The following PACRG variants were observed in gnomAD, a reference collection of about 807,000 sequenced individuals.
PACRG encodes the protein parkin coregulated.
PACRG carries 29 observed loss-of-function variants against 29.7 expected under a neutral mutation model. The ratio of observed to expected loss-of-function variants is 0.98; its 90% confidence interval spans 0.73 to 1.33. The LOEUF (loss-of-function observed/expected upper bound fraction) is 1.33. Among genes scored for constraint, PACRG ranks in the 40% most tolerant of loss-of-function variants. The pLI, the probability that PACRG is intolerant of heterozygous loss-of-function variation, is 0.00. For missense variants in PACRG, 279 were observed against 316.2 expected (o/e 0.88, Z 0.89); for synonymous variants, 116 against 118.7 (o/e 0.98, Z 0.15).
chr6:162,800,809 C>T (rs1309856024), intron 1 of PACRG, among the ~76,000 whole-genome samples: 1 of 152,100 alleles, frequency 6.6e-6, no homozygotes, highest in Non-Finnish European at 1.5e-5. Flanking sequence ...TTTTCCCTGC[C>T]AGCCCTTGTT....
intron 2 of PACRG, among the ~76,000 whole-genome samples, chr6:162,993,054 A>G (rs1425697129): frequency 2.1e-5 from 3 of 141,846 alleles, no homozygotes; most frequent in Admixed American, 7.1e-5. Flanking sequence ...AGCGGCTTTG[A>G]GTGAGATTCT....
intron 2 of PACRG, among the ~76,000 whole-genome samples, chr6:162,868,311 A>G (rs1447299337): frequency 6.6e-6 from 1 of 152,222 alleles, no homozygotes; most frequent in Non-Finnish European, 1.5e-5. Context: ...TAGAGCGACC[A>G]TCAGACTTTT....
chr6:163,277,245 C>T (rs1430535093), intron 4 of PACRG, among the ~76,000 whole-genome samples: 7 of 151,926 alleles, frequency 4.6e-5, no homozygotes, highest in Non-Finnish European at 1.0e-4. Context: ...AGTCTTGTAT[C>T]CCTCACCACC....
chr6:163,048,825 A>G (rs1367626100), intron 2 of PACRG, among the ~76,000 whole-genome samples: 1 of 152,082 alleles, frequency 6.6e-6, no homozygotes, highest in African/African-American at 2.4e-5. Flanking sequence ...TTGTTATTTT[A>G]TTTAACTTTC....
At chr6:162,895,811 T>G (rs1795123016) in intron 2 of PACRG, among the ~76,000 whole-genome samples, 1 of 152,228 alleles carries the variant, frequency 6.6e-6, no homozygotes, top group South Asian at 2.1e-4. Context: ...CTAAGAACAT[T>G]TACTTTACAC....
chr6:163,140,269 G>A lies in PACRG; in HGVS notation c.613+50861G>A, dbSNP rs192697577. On this transcript the variant is annotated intron_variant, in intron 4 of 4. Transcript: ENST00000366888. ...CTTAGATCCCTAGGCCAGAAACAGA[G>A]TAGGCAGTGAGGGGGCCTGAAGCCT... Among the ~76,000 whole-genome samples, 391 of 152,296 alleles carry A rather than the reference G, an allele frequency of 2.6e-3. 1 individual carries two copies. Among genetic ancestry groups the A allele is most frequent in the Middle Eastern group, 0.01 (3 of 294 alleles).
chr6:162,732,260 T>C (rs1779827764), intron 1 of PACRG, among the ~76,000 whole-genome samples: 1 of 152,188 alleles, frequency 6.6e-6, no homozygotes, highest in Non-Finnish European at 1.5e-5. Context: ...CAAAAGGGCA[T>C]CATCTCCAAC....
intron 2 of PACRG, among the ~76,000 whole-genome samples, chr6:162,909,554 C>CAA (rs562001835): frequency 0.028 from 1,924 of 69,836 alleles, 118 homozygotes; most frequent in African/African-American, 0.085. Flanking sequence ...GACTCCATCT[C>CAA]AAAAAAAAAA....
intron 1 of PACRG, among the ~76,000 whole-genome samples, chr6:162,740,793 G>T (rs1430557284): frequency 6.7e-6 from 1 of 148,668 alleles, no homozygotes; most frequent in Non-Finnish European, 1.5e-5. Context: ...AGAAACGGGG[G>T]TTTCACCATG....
rs1317722602 is a variant in PACRG at position 162,728,278 on chromosome 6, G to T, written c.43G>T (p.Asp15Tyr). The stretch of plus-strand genomic sequence containing the variant: ...GACCCTGAGCTTAAACAAATGCCCA[G>T]ACAAGATGCCGAAGAGGACCAAGCT... ...KETLSLNKCP[D>Y]KMPKRTKLLA... The change falls in exon 1 of 5, where the codon GAC (aspartate) becomes TAC (tyrosine). Residue 15 changes from aspartate (D) to tyrosine (Y), a missense_variant. Asp to Tyr is a radical substitution (Grantham distance 160). Coordinates refer to ENST00000366888, the MANE Select transcript of PACRG (RefSeq NM_001080379.2). 1.2e-6 allele frequency: 2 copies of T among 1,613,906 alleles called. No individual in the cohort carries two copies. Among genetic ancestry groups the T allele is most frequent in the Non-Finnish European group, 1.7e-6 (2 of 1,180,038 alleles).
At chr6:162,929,065 C>T (rs533190039) in intron 2 of PACRG, among the ~76,000 whole-genome samples, 1 of 152,122 alleles carries the variant, frequency 6.6e-6, no homozygotes, top group East Asian at 1.9e-4. Flanking sequence ...GTGAATAGTG[C>T]TCCAATAAAC....
chr6:163,134,614 C>G (rs945598354), intron 4 of PACRG, among the ~76,000 whole-genome samples: 1 of 152,166 alleles, frequency 6.6e-6, no homozygotes, highest in African/African-American at 2.4e-5. Flanking sequence ...GAAAAAAATA[C>G]TCTATTAATG....
At chr6:162,785,817 C>A (rs1322106708) in intron 1 of PACRG, among the ~76,000 whole-genome samples, 1 of 152,158 alleles carries the variant, frequency 6.6e-6, no homozygotes, top group Non-Finnish European at 1.5e-5. Context: ...TCCTAGCAGG[C>A]CACGGACCAC....
At chr6:163,042,660 A>G (rs1324010751) in intron 2 of PACRG, 1 of 151,328 alleles carries the variant, frequency 6.6e-6, no homozygotes, top group Non-Finnish European at 1.5e-5. Flanking sequence ...TATACAATCT[A>G]AAAGGTCTAA....
intron 2 of PACRG, among the ~76,000 whole-genome samples, chr6:162,984,545 T>A (rs1253664509): frequency 1.3e-5 from 2 of 152,066 alleles, no homozygotes; most frequent in African/African-American, 2.4e-5. Context: ...GTAGTGGGAT[T>A]TCTGGATCAA....
rs940533576 is a variant in PACRG at position 163,048,054 on chromosome 6, AAT to A, written c.292-14095_292-14094del. On this transcript the variant is annotated intron_variant, in intron 2 of 4. Coordinates refer to ENST00000366888, the MANE Select transcript of PACRG (RefSeq NM_001080379.2). ...TAGTGCATTGATTTTTTTATGCAAC[AAT>A]GTTTTTACAGAGCTTTTAATTGAGC... is the stretch of plus-strand genomic sequence containing the variant. Among the ~76,000 whole-genome samples, 237 of 152,254 alleles carry A rather than the reference AAT, an allele frequency of 1.6e-3. 1 individual carries two copies. The highest frequency in any genetic ancestry group is 5.6e-3 in the African/African-American group (233 of 41,570).
At chr6:162,852,394 A>C (rs935296278) in intron 2 of PACRG, among the ~76,000 whole-genome samples, 1 of 152,226 alleles carries the variant, frequency 6.6e-6, no homozygotes, top group Non-Finnish European at 1.5e-5. Flanking sequence ...TGCCAGCAGC[A>C]GAACCCCCAG....
chr6:162,801,447 C>A (rs1158185291), intron 1 of PACRG, among the ~76,000 whole-genome samples: 1 of 151,856 alleles, frequency 6.6e-6, no homozygotes, highest in Non-Finnish European at 1.5e-5. Context: ...GATAGCATTG[C>A]ATCTTTCTCA....
chr6:163,240,074 A>AC (rs572724712), intron 4 of PACRG, among the ~76,000 whole-genome samples: 148 of 127,716 alleles, frequency 1.2e-3, no homozygotes, highest in African/African-American at 3.7e-3. Context: ...TCACACCTCC[A>AC]CCCCCCCACA....
Sources: allele counts gnomAD v4.1 joint callset (sites outside exome capture counted in the v4.1 genomes callset), GRCh38; gene constraint gnomAD v4.1.1; transcripts MANE v1.5; gene names NCBI Gene and HGNC (gene_info 2026-07-23, HGNC 2026-07-21).